The following SLC35F4 variants were observed in gnomAD, a reference collection of about 807,000 sequenced individuals.
SLC35F4 encodes the protein solute carrier family 35 member F4, also known as chromosome 14 open reading frame 36.
A neutral mutation model predicts 44.2 loss-of-function variants in SLC35F4; 24 were observed. The ratio of observed to expected loss-of-function variants is 0.54; its 90% confidence interval spans 0.39 to 0.76. The LOEUF is 0.76. Among genes scored for constraint, SLC35F4 ranks in the 30% least tolerant of loss-of-function variants. The probability of loss-of-function intolerance (pLI) is 0.00; values close to 1 mark genes in which losing one functional copy is unlikely to be tolerated. For synonymous variants in SLC35F4, 238 were observed against 223.6 expected (o/e 1.06, Z -0.57); for missense variants, 562 against 586.1 (o/e 0.96, Z 0.42).
chr14:57,865,029 C>T (rs1455517088), intron 1 of SLC35F4, among the ~76,000 whole-genome samples: 1 of 149,714 alleles, frequency 6.7e-6, no homozygotes, highest in African/African-American at 2.5e-5. Context: ...GCGGCGGGGG[C>T]GGGTGGCCCT....
intron 1 of SLC35F4, among the ~76,000 whole-genome samples, chr14:57,811,235 T>C (rs1467857859): frequency 6.6e-6 from 1 of 152,142 alleles, no homozygotes; most frequent in East Asian, 1.9e-4. Context: ...TGGGGAAAGG[T>C]AGAGTGGAAA....
chr14:57,972,408 A>G (rs557154646), downstream of SLC35F4, among the ~76,000 whole-genome samples: 3 of 152,176 alleles, frequency 2.0e-5, no homozygotes, highest in Non-Finnish European at 4.4e-5. Context: ...ATAATGTGAC[A>G]GAAGAGATGG....
chr14:57,913,865 AAC>A (rs1321842789), intron 1 of SLC35F4, among the ~76,000 whole-genome samples: 1 of 152,196 alleles, frequency 6.6e-6, no homozygotes. Flanking sequence ...AAGGCAGGTC[AAC>A]AGGCAATAAA....
At chr14:57,880,173 T>C (rs1417431026) in intron 1 of SLC35F4, among the ~76,000 whole-genome samples, 1 of 152,000 alleles carries the variant, frequency 6.6e-6, no homozygotes, top group Admixed American at 6.6e-5. Context: ...ATTTTTAAAA[T>C]GGGGATAAAA....
chr14:57,892,893 G>A (rs933857005), intron 1 of SLC35F4, among the ~76,000 whole-genome samples: 1 of 152,124 alleles, frequency 6.6e-6, no homozygotes, highest in Non-Finnish European at 1.5e-5. Flanking sequence ...AACCTGTGGG[G>A]ACAAATATGG....
intron 1 of SLC35F4, among the ~76,000 whole-genome samples, chr14:57,948,612 G>T (rs983689665): frequency 4.0e-5 from 6 of 151,792 alleles, no homozygotes; most frequent in African/African-American, 1.5e-4. Context: ...CTAGTTCCTT[G>T]AGGTGTGACC....
At chr14:57,792,936 A>T (rs964891342) in intron 1 of SLC35F4, among the ~76,000 whole-genome samples, 2 of 152,132 alleles carry the variant, frequency 1.3e-5, no homozygotes, top group African/African-American at 4.8e-5. Flanking sequence ...AAATTAAATC[A>T]TATAAACCTA....
chr14:57,876,904 G>C (rs560270577), intron 1 of SLC35F4, among the ~76,000 whole-genome samples: 4 of 152,138 alleles, frequency 2.6e-5, no homozygotes, highest in Non-Finnish European at 5.9e-5. Flanking sequence ...TGAGGAACTG[G>C]TAAATAGCAG....
At chr14:57,811,731 G>A (rs940267164) in intron 1 of SLC35F4, among the ~76,000 whole-genome samples, 4 of 152,224 alleles carry the variant, frequency 2.6e-5, no homozygotes, top group Non-Finnish European at 5.9e-5. Context: ...TCAAGTGAGA[G>A]TGAGTTAACT....
At chr14:57,719,048 G>A (rs1386247430) in intron 1 of SLC35F4, among the ~76,000 whole-genome samples, 4 of 152,116 alleles carry the variant, frequency 2.6e-5, no homozygotes, top group East Asian at 1.9e-4. Flanking sequence ...TTCATTCTTC[G>A]GCATGTGGAT....
In SLC35F4 at chr14:57,699,250, A is replaced by G. The variant is rs572183334; in HGVS notation, c.104-105126T>C. ...GAAGTGCACTTCATACAAAAGAACA[A>G]AAAAATAGAGGATTTGGGGACAATA... is the stretch of plus-strand genomic sequence containing the variant. On this transcript the variant is annotated intron_variant, in intron 1 of 7. Transcript: ENST00000556826. Among the ~76,000 whole-genome samples the G allele has an allele frequency of 3.3e-5, 5 of 152,286 alleles. No homozygotes were observed. The South Asian group carries it at 1.0e-3, about 32-fold the overall frequency.
chr14:57,952,458 G>A (rs1275183476), intron 1 of SLC35F4, among the ~76,000 whole-genome samples: 1 of 152,032 alleles, frequency 6.6e-6, no homozygotes, highest in Non-Finnish European at 1.5e-5. Context: ...GGCAGAAGTA[G>A]GCTTCAGAAG....
At chr14:57,595,142 T>C (rs531492427) in intron 1 of SLC35F4, among the ~76,000 whole-genome samples, 2 of 152,362 alleles carry the variant, frequency 1.3e-5, no homozygotes, top group African/African-American at 4.8e-5. Flanking sequence ...TGTCCCTTTA[T>C]CCACCTATGG....
At chr14:57,722,392 T>C (rs757804596) in intron 1 of SLC35F4, among the ~76,000 whole-genome samples, 26 of 152,182 alleles carry the variant, frequency 1.7e-4, no homozygotes, top group Non-Finnish European at 3.2e-4. Context: ...ATTAGTCACT[T>C]TAGACCTACT....
intron 1 of SLC35F4, 58 bp from the exon 2 acceptor site, chr14:57,594,182 T>A: frequency 6.9e-7 from 1 of 1,447,668 alleles, no homozygotes; most frequent in South Asian, 1.3e-5. Flanking sequence ...GGAAGTAGAT[T>A]TTATTATTTA....
chr14:57,793,934 C>T lies in SLC35F4; in HGVS notation c.103+71789G>A, dbSNP rs375843942. Among the ~76,000 whole-genome samples, 30 of 152,142 alleles carry T rather than the reference C, an allele frequency of 2.0e-4. No individual in the cohort carries two copies. In the South Asian group the frequency reaches 6.2e-3, roughly 32 times the overall value. The stretch of plus-strand genomic sequence containing the variant: ...ATACTTACAACTAACTGATCTTCGA[C>T]AAAGCACACAAAAACACAAATTGAG... On this transcript the variant is annotated intron_variant, in intron 1 of 7. Transcript: ENST00000556826.
chr14:57,610,824 A>G (rs2071451670), intron 1 of SLC35F4, among the ~76,000 whole-genome samples: 1 of 152,184 alleles, frequency 6.6e-6, no homozygotes, highest in African/African-American at 2.4e-5. Flanking sequence ...AGGAACTGTG[A>G]TAGGTACCAT....
intron 1 of SLC35F4, among the ~76,000 whole-genome samples, chr14:57,818,317 AG>A (rs997228177): frequency 1.3e-5 from 2 of 152,184 alleles, no homozygotes; most frequent in African/African-American, 4.8e-5. Context: ...CTCCACAAAC[AG>A]GATCTGTTTG....
chr14:57,944,776 GAAA>G (rs1889991793), intron 1 of SLC35F4, among the ~76,000 whole-genome samples: 2 of 150,206 alleles, frequency 1.3e-5, no homozygotes, highest in African/African-American at 4.9e-5. Context: ...GAAAAGAAAA[GAAA>G]AAAGAAAAGA....
Sources: allele counts gnomAD v4.1 joint callset (sites outside exome capture counted in the v4.1 genomes callset), GRCh38; gene constraint gnomAD v4.1.1; transcripts MANE v1.5; gene names NCBI Gene and HGNC (gene_info 2026-07-23, HGNC 2026-07-21).